Variants in SGSM2 observed in about 807,000 individuals in gnomAD.
SGSM2 encodes RUN and TBC1 domain containing 1.
A neutral mutation model predicts 126.6 loss-of-function variants in SGSM2; 89 were observed. The observed-to-expected ratio is 0.70, with a 90% confidence interval of 0.59 to 0.84. The LOEUF (loss-of-function observed/expected upper bound fraction) is 0.84, where lower values mean the gene tolerates loss of function less well. SGSM2 is among the 40% of genes least tolerant of loss of function. SGSM2 has a pLI of 0.00. For synonymous variants in SGSM2, 614 were observed against 574.3 expected (o/e 1.07, Z -0.99); for missense variants, 1,404 against 1,416.6 (o/e 0.99, Z 0.14).
Position 2,367,241 on chromosome 17 carries a change from C to CCT in SGSM2, c.1289-27_1289-26dup. 1 of 1,601,002 alleles carries CCT rather than the reference C, an allele frequency of 6.2e-7. No homozygotes were observed. The highest frequency in any genetic ancestry group is 1.3e-5 in the African/African-American group (1 of 74,924). Reference sequence around the variant, plus strand: ...CCTGCCCAGGGATGAGGGCCTCATGCCTCTGCCTCTCGCTGTTCTCTTTGA... The same window carrying CCT: ...CCTGCCCAGGGATGAGGGCCTCATGCCTCTCTGCCTCTCGCTGTTCTCTTTGA... On this transcript the variant is annotated intron_variant, in intron 11 of 23. Transcript: ENST00000268989. The surrounding 1 kb of genome is among the most constrained non-coding windows in gnomAD (Gnocchi z 4.0).
rs370750280 is a variant in SGSM2, at chr17:2,362,802, G to A, written c.459-36G>A. 18 of 1,610,476 alleles carry A rather than the reference G, an allele frequency of 1.1e-5. No homozygotes were observed. Among genetic ancestry groups the A allele is most frequent in the East Asian group, 6.7e-5 (3 of 44,888 alleles). On this transcript the variant is annotated intron_variant, in intron 4 of 23. Transcript: ENST00000268989. This position sits in a 1 kb window ranked among gnomAD's most constrained non-coding sequence, Gnocchi z 4.9. The stretch of plus-strand genomic sequence containing the variant: ...GCTTGACTGCCCTGGAATGAGCCCC[G>A]GAGCCTCGGCAGTCACACTGTCTGT...
intron 19 of SGSM2, 73 bp from the exon 20 acceptor site, chr17:2,376,660 G>A: frequency 1.3e-6 from 2 of 1,524,938 alleles, no homozygotes; most frequent in Non-Finnish European, 1.8e-6. Context: ...TGGCTCTGGA[G>A]GACGTCTTCC....
rs891038008 is a variant in SGSM2 at position 2,375,983 on chromosome 17, TGGAA to T, written c.2484+111_2484+114del. On this transcript the variant is annotated intron_variant, in intron 18 of 23. Transcript: ENST00000268989. Reference sequence around the variant, plus strand: ...GGAAGGCGGGGCGCCCTGACTGCCCTGGAAGGGAGTTCTGAGCCCATTTCTCAGC... The same window carrying T: ...GGAAGGCGGGGCGCCCTGACTGCCCTGGGAGTTCTGAGCCCATTTCTCAGC... The T allele has an allele frequency of 2.1e-5, 32 of 1,506,552 alleles. No homozygotes were observed. In the Middle Eastern group the frequency reaches 7.0e-4, roughly 33 times the overall value. The allele number at this position is 1,506,552 out of a possible 1,614,324, so 93.3% of individuals were successfully genotyped here.
Position 2,364,922 on chromosome 17 carries a change from G to C in SGSM2, c.1026G>C (p.Val342=), listed in dbSNP as rs1597362554. 1 of 1,611,656 alleles carries C rather than the reference G, an allele frequency of 6.2e-7. No homozygotes were observed. Among genetic ancestry groups the C allele is most frequent in the African/African-American group, 1.3e-5 (1 of 75,048 alleles). Residue 342 remains valine (V), a synonymous_variant, in exon 10 of 24, where the codon GTG becomes GTC. Coordinates refer to ENST00000268989, the MANE Select transcript of SGSM2 (RefSeq NM_014853.3). Reference sequence around the variant, plus strand: ...AGAGCGGTGGCACGCTTGTGCTGGTGAGCCAGGATGGCATCCAGAGGCCGC... The same window carrying C: ...AGAGCGGTGGCACGCTTGTGCTGGTCAGCCAGGATGGCATCCAGAGGCCGC... ...QQKSGGTLVL[V]SQDGIQRPPL...
chr17:2,344,275 T>C (rs2064498172), intron 2 of SGSM2, among the ~76,000 whole-genome samples: 1 of 152,094 alleles, frequency 6.6e-6, no homozygotes, highest in African/African-American at 2.4e-5. Context: ...GCCTGAAGAC[T>C]TTTGCTTTGT....
At chr17:2,352,772 T>C (rs951324959) in intron 2 of SGSM2, among the ~76,000 whole-genome samples, 1 of 86,118 alleles carries the variant, frequency 1.2e-5, no homozygotes, top group Non-Finnish European at 2.0e-5. Flanking sequence ...ATTTTCTTTT[T>C]TTTTTTTTTT....
chr17:2,361,807 C>T lies in SGSM2; in HGVS notation c.296+8C>T. The T allele has an allele frequency of 6.3e-7, 1 of 1,592,788 alleles. No individual in the cohort carries two copies. Among genetic ancestry groups the T allele is most frequent in the Non-Finnish European group, 8.6e-7 (1 of 1,169,544 alleles). On this transcript the variant is annotated splice_region_variant and intron_variant, in intron 3 of 23. Transcript: ENST00000268989. ...GCAACAAGCAGAGGGCAGGTGAGCCCTGGGCCAGCCCCTTCTTCCCTCCTT... is the reference window on the plus strand; with the variant it reads ...GCAACAAGCAGAGGGCAGGTGAGCCTTGGGCCAGCCCCTTCTTCCCTCCTT...
Position 2,380,685 on chromosome 17 carries a change from A to T in SGSM2, c.*1165A>T, listed in dbSNP as rs10926. ...CCCACTTCCTCCTCTACCCCAACAC[A>T]TGCAGGCTAGGCCTTGCCCTGGAAC... On this transcript the variant is annotated 3_prime_UTR_variant, in exon 24 of 24. Coordinates refer to ENST00000268989, the MANE Select transcript of SGSM2 (RefSeq NM_014853.3). The T allele has an allele frequency of 1.1e-4, 34 of 313,242 alleles. No homozygotes were observed. Among genetic ancestry groups the T allele is most frequent in the Admixed American group, 9.9e-4 (21 of 21,202 alleles). 19.4% of individuals were successfully genotyped at this position (313,242 alleles called of 1,614,324 possible).
At chr17:2,375,386 G>T in intron 17 of SGSM2, 106 bp from the exon 18 acceptor site, 7 of 1,383,804 alleles carry the variant, frequency 5.1e-6, no homozygotes, top group Middle Eastern at 2.5e-4. Flanking sequence ...GGTGGGAGAG[G>T]GGGTGTGAAG....
chr17:2,337,703 G>T lies in SGSM2; in HGVS notation c.15G>T (p.Glu5Asp). 1 of 1,536,340 alleles carries T rather than the reference G, an allele frequency of 6.5e-7. No individual in the cohort carries two copies. Among genetic ancestry groups the T allele is most frequent in the South Asian group, 1.2e-5 (1 of 83,570 alleles). MGSA[E>D]DAVKEKLLWN... Reference sequence around the variant, plus strand: ...CCTGCCACACCATGGGCAGCGCAGAGGACGCAGTCAAAGAGAAACTGCTGT... The same window carrying T: ...CCTGCCACACCATGGGCAGCGCAGATGACGCAGTCAAAGAGAAACTGCTGT... Residue 5 changes from glutamate (E) to aspartate (D), a missense_variant, in exon 1 of 24, where the codon GAG (glutamate) becomes GAT (aspartate). Transcript: ENST00000268989. This position sits in a 1 kb window ranked among gnomAD's most constrained non-coding sequence, Gnocchi z 5.1.
At chr17:2,364,818 C>T (rs946800063) in intron 9 of SGSM2, 79 bp from the exon 10 acceptor site, 5 of 1,581,008 alleles carry the variant, frequency 3.2e-6, no homozygotes, top group Middle Eastern at 2.0e-4. Flanking sequence ...CTGCCTCCTA[C>T]CCAGCCTGGG....
rs2065624806 is a variant in SGSM2 at position 2,367,081 on chromosome 17, C to T, written c.1289-190C>T. 1 of 615,272 alleles carries T rather than the reference C, an allele frequency of 1.6e-6. No homozygotes were observed. The highest frequency in any genetic ancestry group is 2.2e-5 in the South Asian group (1 of 45,532). 38.1% of individuals were successfully genotyped at this position (615,272 alleles called of 1,614,324 possible). A position where few individuals can be genotyped will look rare whatever the true frequency, so the allele number is the denominator to read the frequency against. On this transcript the variant is annotated intron_variant, in intron 11 of 23. Coordinates refer to ENST00000268989, the MANE Select transcript of SGSM2 (RefSeq NM_014853.3). The surrounding 1 kb of genome is among the most constrained non-coding windows in gnomAD (Gnocchi z 4.0). Reference sequence around the variant, plus strand: ...AGTGAGGTTCTGCAGCTGCCCCAGCCCCTCGCCTCCTTCCACACTCTCCCA... The same window carrying T: ...AGTGAGGTTCTGCAGCTGCCCCAGCTCCTCGCCTCCTTCCACACTCTCCCA...
intron 2 of SGSM2, among the ~76,000 whole-genome samples, chr17:2,344,313 CTCT>C (rs1234444727): frequency 6.6e-6 from 1 of 152,230 alleles, no homozygotes; most frequent in Non-Finnish European, 1.5e-5. Context: ...TACGCACAGA[CTCT>C]TCTTGGATTT....
chr17:2,371,768 C>T (rs2065882821), intron 13 of SGSM2: 1 of 386,976 alleles, frequency 2.6e-6, no homozygotes, highest in South Asian at 3.0e-5. Flanking sequence ...GCACACAGAC[C>T]CTGCTGACAG....
At chr17:2,340,638 G>A (rs1288258112) in intron 1 of SGSM2, among the ~76,000 whole-genome samples, 3 of 150,802 alleles carry the variant, frequency 2.0e-5, no homozygotes, top group Non-Finnish European at 4.4e-5. Flanking sequence ...AGGCTGGAGT[G>A]CCGTGGCGCC....
intron 2 of SGSM2, among the ~76,000 whole-genome samples, chr17:2,352,606 C>T (rs995353381): frequency 6.6e-6 from 1 of 151,986 alleles, no homozygotes; most frequent in Admixed American, 6.6e-5. Context: ...TGAGTGGTTC[C>T]CACTGTTACC....
chr17:2,365,410 AC>A, intron 11 of SGSM2, 69 bp downstream of exon 11: 1 of 1,463,070 alleles, frequency 6.8e-7, no homozygotes. Context: ...GCGCAGCGTC[AC>A]CCAGGAGGGC....
Position 2,364,097 on chromosome 17 carries a change from G to T in SGSM2, c.846G>T (p.Leu282=). 6.2e-7 allele frequency: 1 copy of T among 1,613,968 alleles called. No individual in the cohort carries two copies. The highest frequency in any genetic ancestry group is 8.5e-7 in the Non-Finnish European group (1 of 1,180,004). The change falls in exon 8 of 24, where the codon CTG becomes CTT. Residue 282 remains leucine (L), a synonymous_variant. Transcript: ENST00000268989. ...AGGCGGTCCCTGGCTACCTCTCCCT[G>T]CACCAGTCTGCAGAGAGCCTGACTC... is the stretch of plus-strand genomic sequence containing the variant. ...DMEAVPGYLS[L]HQSAESLTLK...
Position 2,367,519 on chromosome 17 carries a change from C to A in SGSM2, c.1423+114C>A. 8.3e-7 allele frequency: 1 copy of A among 1,205,032 alleles called. No individual in the cohort carries two copies. Among genetic ancestry groups the A allele is most frequent in the Non-Finnish European group, 1.2e-6 (1 of 859,336 alleles). 74.6% of individuals were successfully genotyped at this position (1,205,032 alleles called of 1,614,324 possible). A position where few individuals can be genotyped will look rare whatever the true frequency, so the allele number is the denominator to read the frequency against. ...GTGTTGGCATTAGGGGACTTGCACCCAGGGCAGTTCCCTTCCATCGGGGGC... is the reference window on the plus strand; with the variant it reads ...GTGTTGGCATTAGGGGACTTGCACCAAGGGCAGTTCCCTTCCATCGGGGGC... On this transcript the variant is annotated intron_variant, in intron 12 of 23. Coordinates refer to ENST00000268989, the MANE Select transcript of SGSM2 (RefSeq NM_014853.3). This position sits in a 1 kb window ranked among gnomAD's most constrained non-coding sequence, Gnocchi z 4.0.
Sources: gnomAD v4.1 joint callset for allele counts (sites outside exome capture counted in the v4.1 genomes callset) on GRCh38, gnomAD v4.1.1 for gene constraint, Gnocchi (gnomAD v3.1) non-coding constraint, MANE v1.5 for transcripts, NCBI Gene and HGNC (gene_info 2026-07-23, HGNC 2026-07-21) for gene names.